Variants in PALM2AKAP2 observed in about 807,000 individuals in gnomAD.
The protein encoded by PALM2AKAP2 is PALM2-AKAP2 fusion protein.
A neutral mutation model predicts 71.5 loss-of-function variants in PALM2AKAP2; 37 were observed. The ratio of observed to expected loss-of-function variants is 0.52; its 90% CI spans 0.40 to 0.68. The LOEUF (loss-of-function observed/expected upper bound fraction) is 0.68, where lower values mean the gene tolerates loss of function less well. PALM2AKAP2 is among the 30% of genes least tolerant of loss of function. The pLI, the probability that PALM2AKAP2 is intolerant of heterozygous loss-of-function variation, is 0.00. For synonymous variants in PALM2AKAP2, 468 were observed against 478.8 expected, an observed-to-expected ratio of 0.98 and a Z score of 0.29; for missense variants, 1,224 against 1,191.8, an observed-to-expected ratio of 1.03 and a Z score of -0.40.
intron 1 of PALM2AKAP2, among the ~76,000 whole-genome samples, chr9:109,747,423 C>A (rs754751548): frequency 6.6e-6 from 1 of 152,062 alleles, no homozygotes; most frequent in Non-Finnish European, 1.5e-5. Context: ...TTTGCCTTGA[C>A]GTTCTTGGGG....
intron 1 of PALM2AKAP2, among the ~76,000 whole-genome samples, chr9:109,821,914 A>G (rs571230892): frequency 1.5e-4 from 23 of 152,330 alleles, no homozygotes; most frequent in Middle Eastern, 3.4e-3. Context: ...GACCAAAGGA[A>G]TTTTTTGTAA....
chr9:109,864,071 A>G (rs1401244900), intron 1 of PALM2AKAP2, among the ~76,000 whole-genome samples: 1 of 152,130 alleles, frequency 6.6e-6, no homozygotes, highest in African/African-American at 2.4e-5. Flanking sequence ...AAAAAAAAAA[A>G]AAATTCACTG....
chr9:110,134,085 A>G (rs1460889027), intron 1 of PALM2AKAP2, among the ~76,000 whole-genome samples: 1 of 152,134 alleles, frequency 6.6e-6, no homozygotes, highest in East Asian at 1.9e-4. Flanking sequence ...GGAGTTTGAG[A>G]CCAGCCTGGG....
intron 6 of PALM2AKAP2, chr9:109,943,269 C>T (rs772752935): frequency 2.1e-5 from 34 of 1,614,094 alleles, no homozygotes; most frequent in Non-Finnish European, 8.5e-7. Context: ...CGGACGTGTC[C>T]ACTATTGACG....
At chr9:109,692,630 G>A (rs1827915366) in intron 1 of PALM2AKAP2, among the ~76,000 whole-genome samples, 1 of 151,846 alleles carries the variant, frequency 6.6e-6, no homozygotes, top group Admixed American at 6.6e-5. Context: ...TTTGCTGAGA[G>A]TTATTTTAAT....
chr9:109,950,372 A>T (rs906431178), intron 6 of PALM2AKAP2, among the ~76,000 whole-genome samples: 45 of 152,164 alleles, frequency 3.0e-4, no homozygotes, highest in African/African-American at 9.4e-4. Context: ...AGTTAAGTAG[A>T]TACAGGAAAA....
At chr9:109,942,304 T>G (rs1831389183) in intron 6 of PALM2AKAP2, among the ~76,000 whole-genome samples, 1 of 152,234 alleles carries the variant, frequency 6.6e-6, no homozygotes, top group Non-Finnish European at 1.5e-5. Context: ...CTGGAACACA[T>G]TTTAACCAAG....
intron 3 of PALM2AKAP2, among the ~76,000 whole-genome samples, chr9:109,894,024 T>TAAAAA (rs552808725): frequency 7.5e-6 from 1 of 132,874 alleles, no homozygotes. Context: ...GTTGCTTATT[T>TAAAAA]AAAAAAAAAA....
At chr9:109,929,447 C>T (rs1297095773) in intron 5 of PALM2AKAP2, among the ~76,000 whole-genome samples, 2 of 152,120 alleles carry the variant, frequency 1.3e-5, no homozygotes, top group African/African-American at 2.4e-5. Flanking sequence ...CCCACCTGCC[C>T]CTACCCCCTC....
chr9:110,142,711 CA>C (rs1836064057), intron 2 of PALM2AKAP2, among the ~76,000 whole-genome samples: 2 of 151,970 alleles, frequency 1.3e-5, no homozygotes, highest in African/African-American at 4.8e-5. Flanking sequence ...AAGAGAGGCT[CA>C]AAAGGAATAG....
intron 2 of PALM2AKAP2, among the ~76,000 whole-genome samples, chr9:110,149,695 T>C (rs1424051033): frequency 6.6e-6 from 1 of 152,180 alleles, no homozygotes; most frequent in Non-Finnish European, 1.5e-5. Flanking sequence ...CTCATGCCTG[T>C]AATGCCAGCA....
At chr9:109,702,795 A>G (rs1239309632) in intron 1 of PALM2AKAP2, among the ~76,000 whole-genome samples, 1 of 150,450 alleles carries the variant, frequency 6.6e-6, no homozygotes, top group Admixed American at 6.6e-5. Context: ...TGATGATGTA[A>G]CTTTTGTTTT....
intron 1 of PALM2AKAP2, among the ~76,000 whole-genome samples, chr9:109,733,670 A>G (rs1423837403): frequency 6.6e-6 from 1 of 152,200 alleles, no homozygotes; most frequent in Non-Finnish European, 1.5e-5. Flanking sequence ...TCTCCCAGAC[A>G]AGGGAACTCT....
intron 3 of PALM2AKAP2, among the ~76,000 whole-genome samples, chr9:109,915,350 A>G (rs1830662280): frequency 6.6e-6 from 1 of 152,222 alleles, no homozygotes; most frequent in African/African-American, 2.4e-5. Context: ...CTGGAGAGCA[A>G]TTAAGTTCAA....
At chr9:110,022,739 C>A (rs1005398445) in intron 7 of PALM2AKAP2, among the ~76,000 whole-genome samples, 24 of 152,022 alleles carry the variant, frequency 1.6e-4, no homozygotes, top group African/African-American at 5.8e-4. Flanking sequence ...TCCCCCCACC[C>A]CACAACAGTC....
intron 1 of PALM2AKAP2, among the ~76,000 whole-genome samples, chr9:110,079,042 A>G (rs1834385557): frequency 1.3e-5 from 2 of 152,198 alleles, no homozygotes; most frequent in African/African-American, 2.4e-5. Flanking sequence ...TTTTAAAATC[A>G]GTACTTTGCT....
At chr9:109,889,777 G>A (rs1421915817) in intron 3 of PALM2AKAP2, among the ~76,000 whole-genome samples, 1 of 152,118 alleles carries the variant, frequency 6.6e-6, no homozygotes, top group Non-Finnish European at 1.5e-5. Flanking sequence ...TCTCATTATT[G>A]GTCTGGCAAA....
Position 109,981,655 on chromosome 9 carries a change from T to C in PALM2AKAP2, c.497-34299T>C, listed in dbSNP as rs180874194. ...AGGTTTTGTTTTGTTGTTGTTGTTTTGTTTTTGTTTTTGAGATAGGGACTC... is the reference window on the plus strand; with the variant it reads ...AGGTTTTGTTTTGTTGTTGTTGTTTCGTTTTTGTTTTTGAGATAGGGACTC... On this transcript the variant is annotated intron_variant, in intron 6 of 9. Coordinates refer to the PALM2AKAP2 transcript ENST00000302798. Among the ~76,000 whole-genome samples the C allele has an allele frequency of 1.2e-3, 186 of 152,368 alleles. 1 individual carries two copies. The highest frequency in any genetic ancestry group is 3.9e-3 in the Admixed American group (59 of 15,304).
intron 6 of PALM2AKAP2, among the ~76,000 whole-genome samples, chr9:110,006,508 A>G (rs1832789331): frequency 1.3e-5 from 2 of 151,622 alleles, no homozygotes; most frequent in African/African-American, 2.4e-5. Flanking sequence ...GCTTAGACCT[A>G]TGCCACCATG....
Sources: gnomAD v4.1 joint callset for allele counts (sites outside exome capture counted in the v4.1 genomes callset) on GRCh38, gnomAD v4.1.1 for gene constraint, MANE v1.5 for transcripts, NCBI Gene and HGNC (gene_info 2026-07-23, HGNC 2026-07-21) for gene names.